SEZ6L: variants seen among roughly 807,000 people sequenced by gnomAD.
SEZ6L encodes seizure 6-like protein.
SEZ6L carries 37 observed loss-of-function variants against 106.2 expected under a neutral mutation model. The ratio of observed to expected loss-of-function variants is 0.35; its 90% confidence interval spans 0.27 to 0.46. The LOEUF (loss-of-function observed/expected upper bound fraction) is 0.46. Ranked by LOEUF, SEZ6L falls within the 20% of genes least tolerant of loss-of-function variation. SEZ6L has a pLI of 1.00. For synonymous variants in SEZ6L, 541 were observed against 570.4 expected, an observed-to-expected ratio of 0.95 and a Z score of 0.73; for missense variants, 1,172 against 1,332.8, an observed-to-expected ratio of 0.88 and a Z score of 1.88.
chr22:26,255,079 T>C (rs1295290394), intron 1 of SEZ6L, among the ~76,000 whole-genome samples: 1 of 152,218 alleles, frequency 6.6e-6, no homozygotes, highest in Non-Finnish European at 1.5e-5. Context: ...GAATTCTCTC[T>C]TTTTAAAACC....
chr22:26,274,285 A>AATATAGGACCATGG (rs1229137367), intron 1 of SEZ6L, among the ~76,000 whole-genome samples: 4 of 152,122 alleles, frequency 2.6e-5, no homozygotes, highest in African/African-American at 7.2e-5. Flanking sequence ...TAGGACCTTG[A>AATATAGGACCATGG]ATATAGGACC....
At position 26,345,602 on chromosome 22, in the gene SEZ6L, G is replaced by A. The variant is rs75126238; in HGVS notation, c.2213-2117G>A. ...CCTGTCCCCCCACCAAGCAATTCTC[G>A]AAGCTATTTTTTTACCCTTCTTCTT... On this transcript the variant is annotated intron_variant, in intron 10 of 16. Transcript: ENST00000248933. Among the ~76,000 whole-genome samples, 1,261 of 152,134 alleles carry A rather than the reference G, an allele frequency of 8.3e-3. 22 individuals are homozygous for A. Among genetic ancestry groups the A allele is most frequent in the East Asian group, 0.063 (324 of 5,178 alleles).
At chr22:26,296,753 A>G in intron 3 of SEZ6L, 135 bp from the exon 4 acceptor site, 1 of 664,300 alleles carries the variant, frequency 1.5e-6, no homozygotes, top group Non-Finnish European at 2.3e-6. Flanking sequence ...TGGGCTCGGC[A>G]TGGGGCCCAG....
At chr22:26,350,655 C>CTTTT (rs1181293548) in intron 11 of SEZ6L, among the ~76,000 whole-genome samples, 1,736 of 130,354 alleles carry the variant, frequency 0.013, 71 homozygotes, top group African/African-American at 0.047. Context: ...AGTTAGGAAA[C>CTTTT]TTTTTTTTTT....
chr22:26,272,581 G>T (rs369124179), intron 1 of SEZ6L, among the ~76,000 whole-genome samples: 2 of 152,216 alleles, frequency 1.3e-5, no homozygotes, highest in Admixed American at 6.5e-5. Context: ...GCCTCAGAAA[G>T]GTGGGGGTGC....
chr22:26,336,760 G>C (rs1407428779), intron 9 of SEZ6L, among the ~76,000 whole-genome samples: 3 of 152,224 alleles, frequency 2.0e-5, no homozygotes, highest in Non-Finnish European at 2.9e-5. Flanking sequence ...ATGTTTAACA[G>C]CATCCCTGGC....
intron 13 of SEZ6L, among the ~76,000 whole-genome samples, chr22:26,371,344 A>G (rs1033364343): frequency 6.6e-6 from 1 of 151,974 alleles, no homozygotes; most frequent in Non-Finnish European, 1.5e-5. Context: ...CGTTTCCCAC[A>G]ATTGGAGCAA....
At chr22:26,202,745 T>C in intron 1 of SEZ6L, among the ~76,000 whole-genome samples, 1 of 152,268 alleles carries the variant, frequency 6.6e-6, no homozygotes, top group Middle Eastern at 3.4e-3. Context: ...CACACAAAAA[T>C]AGAGGAAACC....
At chr22:26,288,900 G>A (rs1240175364) in intron 1 of SEZ6L, among the ~76,000 whole-genome samples, 1 of 151,870 alleles carries the variant, frequency 6.6e-6, no homozygotes, top group African/African-American at 2.4e-5. Context: ...AAAGGAGCTG[G>A]CTGGCCAGAT....
Position 26,340,730 on chromosome 22 carries a change from T to C in SEZ6L, c.2212+98T>C, listed in dbSNP as rs185734815. 341 of 967,440 alleles carry C rather than the reference T, an allele frequency of 3.5e-4. No individual in the cohort carries two copies. The African/African-American group carries it at 5.2e-3, about 15-fold the overall frequency. 59.9% of individuals were successfully genotyped at this position (967,440 alleles called of 1,614,324 possible). A position where few individuals can be genotyped will look rare whatever the true frequency, so the allele number is the denominator to read the frequency against. ...ATTTGGCAGTTTTGTACTACAGCGA[T>C]TTTTCATTGTATTGTATTGAAATGT... is the stretch of plus-strand genomic sequence containing the variant. On this transcript the variant is annotated intron_variant, in intron 10 of 16. Coordinates refer to ENST00000248933, the MANE Select transcript of SEZ6L (RefSeq NM_021115.5).
At chr22:26,214,693 C>T (rs536536950) in intron 1 of SEZ6L, among the ~76,000 whole-genome samples, 1 of 152,112 alleles carries the variant, frequency 6.6e-6, no homozygotes, top group East Asian at 1.9e-4. Flanking sequence ...AGGATTTTGG[C>T]GCCAGTTGGC....
intron 1 of SEZ6L, among the ~76,000 whole-genome samples, chr22:26,225,695 A>G (rs5761419): frequency 0.84 from 127,508 of 152,228 alleles, 53,682 homozygotes; most frequent in East Asian, 1. Flanking sequence ...CAGGAAGTAA[A>G]TAAGTGGGAC....
Position 26,373,808 on chromosome 22 carries a change from G to C in SEZ6L, c.2827+325G>C, listed in dbSNP as rs147403471. ...TTTTCATGATGCCATTCTAGAAGGG[G>C]AACTAAATCTAGTGACATGTCACCT... On this transcript the variant is annotated intron_variant, in intron 14 of 16. Coordinates refer to ENST00000248933, the MANE Select transcript of SEZ6L (RefSeq NM_021115.5). Among the ~76,000 whole-genome samples the C allele has an allele frequency of 2.1e-3, 314 of 152,294 alleles. 2 individuals carry two copies. Among genetic ancestry groups the C allele is most frequent in the African/African-American group, 7.2e-3 (298 of 41,564 alleles).
In SEZ6L at chr22:26,377,793, G is replaced by C. The variant is rs191499202; in HGVS notation, c.3045+18G>C. On this transcript the variant is annotated intron_variant, in intron 16 of 16. Transcript: ENST00000248933. ...AGACAGGGGTGAGTTGGTCTCTCTC[G>C]TCTCTTCCCAATTCCCTCCCTCTTT... The C allele has an allele frequency of 6.5e-7, 1 of 1,536,692 alleles. No individual in the cohort carries two copies. The highest frequency in any genetic ancestry group is 9.0e-7 in the Non-Finnish European group (1 of 1,109,788).
chr22:26,308,466 T>G (rs1044365093), intron 6 of SEZ6L, among the ~76,000 whole-genome samples: 1 of 150,642 alleles, frequency 6.6e-6, no homozygotes, highest in Non-Finnish European at 1.5e-5. Context: ...AAAGTCTTTT[T>G]AGTCGAGGAG....
chr22:26,328,107 C>A (rs1161400719), intron 9 of SEZ6L, among the ~76,000 whole-genome samples: 1 of 152,168 alleles, frequency 6.6e-6, no homozygotes, highest in Non-Finnish European at 1.5e-5. Context: ...TTGGTCATGG[C>A]CATTGTTAAT....
At chr22:26,285,940 G>A (rs967744994) in intron 1 of SEZ6L, among the ~76,000 whole-genome samples, 2 of 152,244 alleles carry the variant, frequency 1.3e-5, no homozygotes, top group African/African-American at 2.4e-5. Context: ...GTTTGTAACC[G>A]TGATCTCCAG....
intron 14 of SEZ6L, among the ~76,000 whole-genome samples, 165 bp downstream of exon 14, chr22:26,373,648 T>C (rs2084119087): frequency 6.6e-6 from 1 of 152,098 alleles, no homozygotes; most frequent in Admixed American, 6.6e-5. Context: ...GAAAAAAAAT[T>C]ATGGGATTTG....
intron 3 of SEZ6L, among the ~76,000 whole-genome samples, chr22:26,294,730 A>G (rs1222943134): frequency 6.2e-5 from 5 of 80,874 alleles, no homozygotes; most frequent in African/African-American, 2.1e-4. Context: ...AAACACACAC[A>G]CACACACACA....
Sources: allele counts gnomAD v4.1 joint callset (sites outside exome capture counted in the v4.1 genomes callset), GRCh38; gene constraint gnomAD v4.1.1; transcripts MANE v1.5; gene names NCBI Gene and HGNC (gene_info 2026-07-23, HGNC 2026-07-21).